Variants in SSBP2 observed in about 807,000 individuals in gnomAD.
SSBP2 encodes single-stranded DNA-binding protein 2.
Under a neutral mutation model 61.8 loss-of-function variants are expected in SSBP2, and 17 were observed. That is an observed-to-expected ratio of 0.28 (90% CI 0.19 to 0.41). SSBP2 has a LOEUF of 0.41. Ranked by LOEUF, SSBP2 falls within the 10% of genes least tolerant of loss-of-function variation. The pLI, the probability that SSBP2 is intolerant of heterozygous loss-of-function variation, is 1.00. For missense variants in SSBP2, 310 were observed against 458.7 expected, an observed-to-expected ratio of 0.68 and a Z score of 2.96; for synonymous variants, 139 against 141.3, an observed-to-expected ratio of 0.98 and a Z score of 0.12.
chr5:81,599,346 A>AT (rs1744111418), intron 4 of SSBP2, among the ~76,000 whole-genome samples: 1 of 152,220 alleles, frequency 6.6e-6, no homozygotes, highest in Non-Finnish European at 1.5e-5. Flanking sequence ...CTATTCTTTG[A>AT]TAAAAACATT....
At chr5:81,493,251 CAGAT>C (rs66763000) in intron 5 of SSBP2, among the ~76,000 whole-genome samples, 24,879 of 145,392 alleles carry the variant, frequency 0.17, 2,125 homozygotes, top group Admixed American at 0.23. Flanking sequence ...ATGAACAAAA[CAGAT>C]AGATAGATAG....
intron 1 of SSBP2, among the ~76,000 whole-genome samples, chr5:81,713,263 A>C (rs547982301): frequency 6.6e-6 from 1 of 152,170 alleles, no homozygotes; most frequent in South Asian, 2.1e-4. Flanking sequence ...ATTAAAAAAA[A>C]ATCTGTTTAA....
intron 15 of SSBP2, among the ~76,000 whole-genome samples, chr5:81,430,770 AG>A (rs1762235047): frequency 6.6e-6 from 1 of 152,190 alleles, no homozygotes; most frequent in Non-Finnish European, 1.5e-5. Context: ...GGACACTAAC[AG>A]GAAGATTGAA....
intron 4 of SSBP2, among the ~76,000 whole-genome samples, chr5:81,560,571 C>T (rs1772967725): frequency 6.6e-6 from 1 of 152,140 alleles, no homozygotes; most frequent in Non-Finnish European, 1.5e-5. Context: ...CCCACCTCTA[C>T]GCTTTCCTAC....
chr5:81,482,046 A>G (rs1365467702), intron 6 of SSBP2, among the ~76,000 whole-genome samples: 1 of 151,938 alleles, frequency 6.6e-6, no homozygotes, highest in Non-Finnish European at 1.5e-5. Flanking sequence ...AGTTCAAGCA[A>G]TTCTCTCACC....
At chr5:81,513,565 T>C (rs878897037) in intron 5 of SSBP2, 63 bp downstream of exon 5, 2 of 1,018,044 alleles carry the variant, frequency 2.0e-6, no homozygotes, top group South Asian at 1.4e-5. Flanking sequence ...CCTTCGTATC[T>C]TTAATAAAAT....
intron 1 of SSBP2, among the ~76,000 whole-genome samples, chr5:81,661,501 C>T (rs1750693106): frequency 7.0e-6 from 1 of 142,012 alleles, no homozygotes; most frequent in Admixed American, 6.9e-5. Flanking sequence ...TCCACATCCT[C>T]AATAACACTT....
chr5:81,432,994 G>C (rs1382697663), intron 15 of SSBP2, among the ~76,000 whole-genome samples: 1 of 141,432 alleles, frequency 7.1e-6, no homozygotes, highest in Non-Finnish European at 1.5e-5. Flanking sequence ...GGGGGGGTCA[G>C]ACTCCCGCCC....
chr5:81,611,269 T>A (rs1235932729), intron 4 of SSBP2, among the ~76,000 whole-genome samples: 4 of 152,292 alleles, frequency 2.6e-5, no homozygotes, highest in Admixed American at 1.3e-4. Context: ...AAGATGAGTT[T>A]TGCTAATGAT....
chr5:81,413,560 T>A lies in SSBP2; in HGVS notation c.*6944A>T, dbSNP rs985136197. 2 of 152,200 alleles carry A rather than the reference T, an allele frequency of 1.3e-5. No individual in the cohort carries two copies. The highest frequency in any genetic ancestry group is 4.8e-5 in the African/African-American group (2 of 41,464). 9.4% of individuals were successfully genotyped at this position (152,200 alleles called of 1,614,324 possible). A position where few individuals can be genotyped will look rare whatever the true frequency, so the allele number is the denominator to read the frequency against. The stretch of plus-strand genomic sequence containing the variant: ...CAACTAGGTTAATTAAACAATTCAA[T>A]ACGTTAATGGCTATCATAAGTATTC... On this transcript the variant is annotated 3_prime_UTR_variant, in exon 17 of 17. Coordinates refer to ENST00000320672, the MANE Select transcript of SSBP2 (RefSeq NM_012446.5).
intron 5 of SSBP2, among the ~76,000 whole-genome samples, chr5:81,502,496 T>C (rs954107960): frequency 2.6e-5 from 4 of 152,126 alleles, no homozygotes; most frequent in Admixed American, 6.5e-5. Flanking sequence ...TCAAATATAT[T>C]CCAATCCATA....
chr5:81,457,302 T>C (rs1580733209), intron 10 of SSBP2, among the ~76,000 whole-genome samples: 1 of 152,110 alleles, frequency 6.6e-6, no homozygotes, highest in African/African-American at 2.4e-5. Flanking sequence ...ACATCGTATA[T>C]ACATAAATGA....
At chr5:81,472,437 G>A (rs917489054) in intron 8 of SSBP2, among the ~76,000 whole-genome samples, 1 of 152,024 alleles carries the variant, frequency 6.6e-6, no homozygotes, top group African/African-American at 2.4e-5. Context: ...TGTTCAATAA[G>A]ACCCATTTTA....
chr5:81,423,721 G>C (rs1184434184), intron 16 of SSBP2, among the ~76,000 whole-genome samples: 1 of 151,916 alleles, frequency 6.6e-6, no homozygotes, highest in Non-Finnish European at 1.5e-5. Flanking sequence ...CTCTAGCCTG[G>C]GTGACAGAGC....
intron 1 of SSBP2, among the ~76,000 whole-genome samples, chr5:81,660,915 C>G (rs1044570090): frequency 6.6e-6 from 1 of 151,930 alleles, no homozygotes; most frequent in African/African-American, 2.4e-5. Flanking sequence ...GAAAAGAAAA[C>G]CAAACACCAC....
intron 6 of SSBP2, among the ~76,000 whole-genome samples, chr5:81,477,986 A>T (rs1765706078): frequency 6.6e-6 from 1 of 152,186 alleles, no homozygotes; most frequent in Non-Finnish European, 1.5e-5. Flanking sequence ...GCATGAAATT[A>T]GGAAGGAGAC....
In SSBP2 at chr5:81,616,458, C is replaced by T. The variant is rs1194280859; in HGVS notation, c.198-901G>A. ...CCTGGCTCCGAGGGTCCTACGCCCACGGAATCTCGCTGATTGCTAGCACAG... is the reference window on the plus strand; with the variant it reads ...CCTGGCTCCGAGGGTCCTACGCCCATGGAATCTCGCTGATTGCTAGCACAG... On this transcript the variant is annotated intron_variant, in intron 3 of 16. Transcript: ENST00000320672. 3 of 151,168 alleles carry T rather than the reference C, an allele frequency of 2.0e-5. 1 individual carries two copies. Among genetic ancestry groups the T allele is most frequent in the African/African-American group, 7.4e-5 (3 of 40,368 alleles). The allele number at this position is 151,168 out of a possible 1,614,324, so 9.4% of individuals were successfully genotyped here. A position where few individuals can be genotyped will look rare whatever the true frequency, so the allele number is the denominator to read the frequency against.
At chr5:81,430,134 TAA>T (rs773119714) in intron 15 of SSBP2, among the ~76,000 whole-genome samples, 2 of 152,206 alleles carry the variant, frequency 1.3e-5, no homozygotes, top group African/African-American at 2.4e-5. Context: ...CATTAATTAT[TAA>T]AGTTATTAGG....
At chr5:81,457,892 C>T (rs373517589) in intron 10 of SSBP2, among the ~76,000 whole-genome samples, 82 of 152,166 alleles carry the variant, frequency 5.4e-4, no homozygotes, top group African/African-American at 1.9e-3. Context: ...GAACTTCTGA[C>T]CTCACGTGAT....
Sources: gnomAD v4.1 joint callset for allele counts (sites outside exome capture counted in the v4.1 genomes callset) on GRCh38, gnomAD v4.1.1 for gene constraint, MANE v1.5 for transcripts, NCBI Gene and HGNC (gene_info 2026-07-23, HGNC 2026-07-21) for gene names.